Variants in RADX observed in about 807,000 individuals in gnomAD.
RADX encodes RPA-related protein RADX.
Under a neutral mutation model 61.6 loss-of-function variants are expected in RADX, and 36 were observed. The ratio of observed to expected loss-of-function variants is 0.58; its 90% CI spans 0.45 to 0.77. The LOEUF is 0.77. Among genes scored for constraint, RADX ranks in the 30% least tolerant of loss-of-function variants. The pLI, the probability that RADX is intolerant of heterozygous loss-of-function variation, is 0.00. For missense variants in RADX, 497 were observed against 651.1 expected (o/e 0.76, Z 2.58); for synonymous variants, 272 against 237.9 (o/e 1.14, Z -1.32).
At chrX:106,673,305 G>C (rs886818191) in intron 13 of RADX, among the ~76,000 whole-genome samples, 1 of 110,199 alleles carries the variant, frequency 9.1e-6, no homozygotes, top group East Asian at 2.9e-4. Flanking sequence ...GTATCACTGC[G>C]GGTTATTCAG....
chrX:106,633,530 T>C (rs1016024180), intron 6 of RADX, among the ~76,000 whole-genome samples: 3 of 111,726 alleles, frequency 2.7e-5, no homozygotes, highest in Non-Finnish European at 5.6e-5. Flanking sequence ...ATTAAAAAAA[T>C]CCTTAAATTT....
intron 5 of RADX, 36 bp from the exon 6 acceptor site, chrX:106,633,094 G>A (rs746708357): frequency 6.8e-6 from 8 of 1,175,425 alleles, no homozygotes; most frequent in Non-Finnish European, 9.2e-6. Flanking sequence ...GTATATAACA[G>A]TTACCTTCAT....
Position 106,678,437 on chromosome X carries a change from A to G in RADX, c.*179A>G. 1 of 326,440 alleles carries G rather than the reference A, an allele frequency of 3.1e-6. No individual in the cohort carries two copies. Among genetic ancestry groups the G allele is most frequent in the Non-Finnish European group, 5.3e-6 (1 of 187,457 alleles). 26.9% of individuals were successfully genotyped at this position (326,440 alleles called of 1,213,427 possible). ...AGCTTTTTAAAACACTTCATTTCAG[A>G]TTCATTATTGAAAAAGGTCATCAAA... On this transcript the variant is annotated 3_prime_UTR_variant, in exon 14 of 14. Transcript: ENST00000372548.
intron 3 of RADX, among the ~76,000 whole-genome samples, chrX:106,627,985 G>A (rs1167132060): frequency 1.8e-5 from 2 of 111,107 alleles, no homozygotes; most frequent in South Asian, 7.6e-4. Flanking sequence ...ACAGGCACAC[G>A]CCATCAAGCC....
At chrX:106,670,036 T>G (rs1928326585) in intron 13 of RADX, among the ~76,000 whole-genome samples, 1 of 111,785 alleles carries the variant, frequency 8.9e-6, no homozygotes, top group African/African-American at 3.2e-5. Context: ...TCTTGGGATT[T>G]TGTGGTGGGT....
intron 3 of RADX, among the ~76,000 whole-genome samples, chrX:106,630,484 A>G (rs1273416077): frequency 3.6e-5 from 4 of 111,427 alleles, no homozygotes; most frequent in African/African-American, 1.3e-4. Flanking sequence ...TACTATTTCT[A>G]TTTAATGTTG....
rs760344396 is a variant in RADX at position 106,678,221 on chromosome X, A to G, written c.2531A>G (p.Tyr844Cys). The G allele has an allele frequency of 1.7e-5, 20 of 1,169,828 alleles. No homozygotes were observed. In the East Asian group the frequency reaches 5.4e-4, roughly 31 times the overall value. The change falls in exon 14 of 14, where the codon TAT (tyrosine) becomes TGT (cysteine). Residue 844 changes from tyrosine to cysteine, a missense_variant. Tyr to Cys is a radical substitution (Grantham distance 194). Transcript: ENST00000372548. The part of the protein sequence containing the change: ...CNLGNNKVEV[Y>C]LHKIYSPENT... The stretch of plus-strand genomic sequence containing the variant: ...TTGGGTAATAATAAAGTGGAAGTCT[A>G]TTTGCACAAGATTTATAGTCCAGAG...
intron 2 of RADX, among the ~76,000 whole-genome samples, chrX:106,623,963 C>T (rs1927016651): frequency 9.0e-6 from 1 of 111,122 alleles, no homozygotes; most frequent in Admixed American, 9.7e-5. Context: ...GCCTTCCTAC[C>T]TCTTTGTGCC....
intron 12 of RADX, 54 bp from the exon 13 acceptor site, chrX:106,669,109 G>A: frequency 2.0e-6 from 2 of 992,835 alleles, no homozygotes; most frequent in East Asian, 3.1e-5. Flanking sequence ...CTCGGCATCA[G>A]CACCACATGC....
At chrX:106,659,024 G>T (rs768669895) in intron 11 of RADX, among the ~76,000 whole-genome samples, 1 of 109,272 alleles carries the variant, frequency 9.2e-6, no homozygotes, top group African/African-American at 3.3e-5. Context: ...GCAATGGCAC[G>T]ATCATGGCTC....
intron 3 of RADX, among the ~76,000 whole-genome samples, chrX:106,626,140 T>C (rs761138132): frequency 2.7e-5 from 3 of 111,658 alleles, no homozygotes; most frequent in Non-Finnish European, 3.8e-5. Flanking sequence ...CCGTGATTTT[T>C]TCACTTTCAT....
rs778073877 is a variant in RADX at position 106,678,284 on chromosome X, A to T, written c.*26A>T. On this transcript the variant is annotated 3_prime_UTR_variant, in exon 14 of 14. Transcript: ENST00000372548. Reference sequence around the variant, plus strand: ...AAGTTAGCAAATGAAATTATTACAGATTATACGAGTGTACTGCTTTAAAGA... The same window carrying T: ...AAGTTAGCAAATGAAATTATTACAGTTTATACGAGTGTACTGCTTTAAAGA... 9.4e-7 allele frequency: 1 copy of T among 1,063,545 alleles called. No homozygotes were observed. The allele number at this position is 1,063,545 out of a possible 1,213,427, so 87.6% of individuals were successfully genotyped here.
chrX:106,637,078 T>A lies in RADX; in HGVS notation c.1408+431T>A, dbSNP rs755175015. On this transcript the variant is annotated intron_variant, in intron 7 of 13. Coordinates refer to ENST00000372548, the MANE Select transcript of RADX (RefSeq NM_018015.6). ...TGTTTTATTTATATAACAAGAGAGGTCTCATTACTTGTCTGCAAGTATATT... is the reference window on the plus strand; with the variant it reads ...TGTTTTATTTATATAACAAGAGAGGACTCATTACTTGTCTGCAAGTATATT... Among the ~76,000 whole-genome samples, 38 of 111,362 alleles carry A rather than the reference T, an allele frequency of 3.4e-4. No individual in the cohort carries two copies. In the South Asian group the frequency reaches 0.014, roughly 41 times the overall value.
chrX:106,659,347 G>A (rs751208993), intron 11 of RADX, among the ~76,000 whole-genome samples: 5 of 111,510 alleles, frequency 4.5e-5, no homozygotes, highest in Admixed American at 3.8e-4. Flanking sequence ...CGATGCCTAC[G>A]TACATACGTT....
At chrX:106,665,935 T>C (rs1009178630) in intron 12 of RADX, among the ~76,000 whole-genome samples, 3 of 111,611 alleles carry the variant, frequency 2.7e-5, no homozygotes, top group African/African-American at 9.8e-5. Flanking sequence ...AAACCTATCC[T>C]AGAAGCACTG....
chrX:106,656,143 C>T lies in RADX; in HGVS notation c.1979-5872C>T, dbSNP rs1461479343. ...TTTATTTTCATTTTAACAGTGTTCA[C>T]GACATCTTCACCAGGAATAGATTCA... On this transcript the variant is annotated intron_variant, in intron 11 of 13. Coordinates refer to ENST00000372548, the MANE Select transcript of RADX (RefSeq NM_018015.6). Among the ~76,000 whole-genome samples, 9 of 112,030 alleles carry T rather than the reference C, an allele frequency of 8.0e-5. No individual in the cohort carries two copies. The South Asian group carries it at 2.2e-3, about 28-fold the overall frequency.
In RADX at chrX:106,612,355, T is replaced by G. The variant is rs199638136; in HGVS notation, c.275T>G (p.Leu92Arg). 39 of 1,210,061 alleles carry G rather than the reference T, an allele frequency of 3.2e-5. 1 individual carries two copies. In the Admixed American group the frequency reaches 5.2e-4, roughly 16 times the overall value. The change falls in exon 1 of 14, where the codon CTT becomes CGT. Residue 92 changes from leucine (L) to arginine (R), a missense_variant. This residue lies in a region of RADX where 196 missense variants were observed against 315.0 expected (regional missense o/e 0.62). Transcript: ENST00000372548. ...CGCGACACGGTGCCCAAGCCTCCCC[T>G]TTATTGCTATGATGTGACGATCTCA... ...EPRDTVPKPP[L>R]YCYDVTISDG...
At chrX:106,662,400 C>A in intron 12 of RADX, 95 bp downstream of exon 12, 2 of 823,024 alleles carry the variant, frequency 2.4e-6, no homozygotes, top group Non-Finnish European at 3.4e-6. Flanking sequence ...CCCACAAAAA[C>A]ATTAAGCCCA....
At chrX:106,640,896 T>C (rs1390867162) in intron 10 of RADX, among the ~76,000 whole-genome samples, 175 bp downstream of exon 10, 3 of 111,079 alleles carry the variant, frequency 2.7e-5, no homozygotes, top group Non-Finnish European at 5.7e-5. Context: ...TTCTGGAGGA[T>C]AGAGTTCAAG....
Sources: allele counts gnomAD v4.1 joint callset (sites outside exome capture counted in the v4.1 genomes callset), GRCh38; gene constraint gnomAD v4.1.1; regional missense constraint gnomAD v4.1.1; transcripts MANE v1.5; gene names NCBI Gene and HGNC (gene_info 2026-07-23, HGNC 2026-07-21).